The following PDE4D variants were observed in gnomAD, a reference collection of about 807,000 sequenced individuals.
PDE4D encodes phosphodiesterase 4D.
Under a neutral mutation model 87.4 loss-of-function variants are expected in PDE4D, and 24 were observed. The ratio of observed to expected loss-of-function variants is 0.27; its 90% CI spans 0.20 to 0.39. PDE4D has a LOEUF of 0.39. Ranked by LOEUF, PDE4D falls within the 10% of genes least tolerant of loss-of-function variation. The pLI, the probability that PDE4D is intolerant of heterozygous loss-of-function variation, is 1.00. For synonymous variants in PDE4D, 384 were observed against 383.2 expected (o/e 1.00, Z -0.02); for missense variants, 714 against 1,041.0 (o/e 0.69, Z 4.32).
chr5:60,434,260 T>G (rs549045644), intron 1 of PDE4D, among the ~76,000 whole-genome samples: 3 of 152,230 alleles, frequency 2.0e-5, no homozygotes, highest in Admixed American at 2.0e-4. Flanking sequence ...CATGAATTTA[T>G]AAATGGTTGT....
intron 2 of PDE4D, among the ~76,000 whole-genome samples, chr5:60,151,506 G>T (rs1296648677): frequency 1.3e-5 from 2 of 151,954 alleles, no homozygotes; most frequent in South Asian, 2.1e-4. Flanking sequence ...TATATTTTTT[G>T]ATGTTATTGT....
At chr5:59,219,790 A>C (rs1346066542) in intron 1 of PDE4D, among the ~76,000 whole-genome samples, 1 of 152,208 alleles carries the variant, frequency 6.6e-6, no homozygotes, top group African/African-American at 2.4e-5. Context: ...TAGACAATGA[A>C]TGTAAAGGGA....
intron 1 of PDE4D, among the ~76,000 whole-genome samples, chr5:60,510,093 G>A (rs951754897): frequency 2.6e-5 from 4 of 152,194 alleles, no homozygotes; most frequent in Non-Finnish European, 4.4e-5. Context: ...GGAAGACAAC[G>A]TATAGGGAAG....
At chr5:59,042,281 A>AT (rs1759812865) in intron 5 of PDE4D, among the ~76,000 whole-genome samples, 1 of 152,120 alleles carries the variant, frequency 6.6e-6, no homozygotes, top group Admixed American at 6.6e-5. Flanking sequence ...ACTTTTAGGA[A>AT]TTTTAACCCC....
At chr5:60,121,106 G>T (rs561681915) in intron 2 of PDE4D, among the ~76,000 whole-genome samples, 12 of 151,990 alleles carry the variant, frequency 7.9e-5, no homozygotes, top group Admixed American at 2.6e-4. Flanking sequence ...GACTCGGAAT[G>T]GCTCTCCTTG....
At chr5:59,402,791 T>C (rs910461626) in intron 1 of PDE4D, among the ~76,000 whole-genome samples, 1 of 152,136 alleles carries the variant, frequency 6.6e-6, no homozygotes, top group African/African-American at 2.4e-5. Context: ...TTTTTTTAAA[T>C]TCCATATTTC....
chr5:59,878,890 T>G (rs1006038483), intron 1 of PDE4D, among the ~76,000 whole-genome samples: 2 of 67,716 alleles, frequency 3.0e-5, no homozygotes, highest in Non-Finnish European at 5.9e-5. Context: ...GAAGTAAGTT[T>G]TTTTTTTTTT....
intron 2 of PDE4D, among the ~76,000 whole-genome samples, chr5:60,064,773 T>C (rs1771867162): frequency 6.6e-6 from 1 of 152,116 alleles, no homozygotes; most frequent in Admixed American, 6.6e-5. Flanking sequence ...CAAAGGGCCA[T>C]TTCAAAACCC....
intron 1 of PDE4D, among the ~76,000 whole-genome samples, chr5:59,774,645 T>C (rs1763895292): frequency 2.6e-5 from 4 of 152,094 alleles, no homozygotes; most frequent in Admixed American, 2.6e-4. Context: ...AACGTTAACA[T>C]TTTATAGGGC....
intron 5 of PDE4D, among the ~76,000 whole-genome samples, chr5:59,178,854 G>C (rs550040737): frequency 1.3e-5 from 2 of 152,204 alleles, no homozygotes; most frequent in East Asian, 3.9e-4. Flanking sequence ...CTCTTGATAG[G>C]GGTCAGATTT....
chr5:60,504,763 A>T (rs559891040), intron 1 of PDE4D, among the ~76,000 whole-genome samples: 3 of 152,298 alleles, frequency 2.0e-5, no homozygotes, highest in African/African-American at 7.2e-5. Flanking sequence ...AAAATTTATT[A>T]TGGTTAGAAA....
intron 1 of PDE4D, among the ~76,000 whole-genome samples, chr5:60,244,215 T>G (rs866766383): frequency 2.6e-5 from 4 of 151,734 alleles, no homozygotes; most frequent in Non-Finnish European, 4.4e-5. Flanking sequence ...TAGCTACAAA[T>G]TAAATAAAAT....
At chr5:59,471,129 T>C (rs1034131777) in intron 1 of PDE4D, among the ~76,000 whole-genome samples, 2 of 152,040 alleles carry the variant, frequency 1.3e-5, no homozygotes, top group Non-Finnish European at 2.9e-5. Flanking sequence ...TCTGTGGTCA[T>C]AGCTACTAGG....
chr5:59,241,378 G>A (rs965862880), intron 1 of PDE4D, among the ~76,000 whole-genome samples: 9 of 152,224 alleles, frequency 5.9e-5, no homozygotes, highest in African/African-American at 2.2e-4. Flanking sequence ...GAACTTGGCA[G>A]TCATGGATGC....
chr5:60,281,677 AACTT>A (rs1380133756), intron 1 of PDE4D, among the ~76,000 whole-genome samples: 8 of 152,224 alleles, frequency 5.3e-5, no homozygotes, highest in African/African-American at 1.7e-4. Context: ...GTTAATTATT[AACTT>A]ACTTAGTTAA....
intron 1 of PDE4D, among the ~76,000 whole-genome samples, chr5:59,239,843 T>C (rs1384993200): frequency 6.6e-6 from 1 of 152,178 alleles, no homozygotes; most frequent in Non-Finnish European, 1.5e-5. Context: ...TCTCTGAGCC[T>C]GCAACACTCA....
At chr5:59,195,829 T>C (rs1176499618) in intron 2 of PDE4D, among the ~76,000 whole-genome samples, 1 of 152,210 alleles carries the variant, frequency 6.6e-6, no homozygotes, top group Non-Finnish European at 1.5e-5. Flanking sequence ...TAGTAAAACC[T>C]TTTAAATCAT....
chr5:59,524,093 C>T (rs551340906), intron 1 of PDE4D, among the ~76,000 whole-genome samples: 3 of 152,248 alleles, frequency 2.0e-5, no homozygotes, highest in African/African-American at 7.2e-5. Flanking sequence ...AGTAGTGTGG[C>T]ACTACTGCAG....
chr5:59,006,458 ACTGAGGTGGGAGGTGGGAGGTG>A (rs1305201070), intron 6 of PDE4D, among the ~76,000 whole-genome samples: 1 of 151,782 alleles, frequency 6.6e-6, no homozygotes, highest in African/African-American at 2.4e-5. Context: ...TCCAGATACT[ACTGAGGTGGGAGGTGGGAGGTG>A]CTGAGGTGGG....
Sources: allele counts gnomAD v4.1 joint callset (sites outside exome capture counted in the v4.1 genomes callset), GRCh38; gene constraint gnomAD v4.1.1; transcripts MANE v1.5; gene names NCBI Gene and HGNC (gene_info 2026-07-23, HGNC 2026-07-21).